Variants in SLAIN1 observed in about 807,000 individuals in gnomAD.
The protein encoded by SLAIN1 is SLAIN family member 1, also known as SLAIN motif-containing protein 1.
In SLAIN1, 17 loss-of-function variants were observed where a neutral mutation model predicts 55.4. The observed-to-expected ratio is 0.31, with a 90% CI of 0.21 to 0.46. The LOEUF is 0.46. Among genes scored for constraint, SLAIN1 ranks in the 20% least tolerant of loss-of-function variants. The pLI, the probability that SLAIN1 is intolerant of heterozygous loss-of-function variation, is 1.00. For missense variants in SLAIN1, 682 were observed against 785.1 expected (o/e 0.87, Z 1.57); for synonymous variants, 348 against 337.4 (o/e 1.03, Z -0.35).
intron 1 of SLAIN1, among the ~76,000 whole-genome samples, chr13:77,711,316 A>G (rs770956787): frequency 3.3e-5 from 5 of 152,168 alleles, no homozygotes; most frequent in Non-Finnish European, 7.4e-5. Flanking sequence ...AACAAAATAG[A>G]TAGACCGCTA....
At chr13:77,714,660 CTT>C (rs1268760790) in intron 1 of SLAIN1, among the ~76,000 whole-genome samples, 1 of 152,106 alleles carries the variant, frequency 6.6e-6, no homozygotes, top group Non-Finnish European at 1.5e-5. Flanking sequence ...TATCTTGTGA[CTT>C]TTTAAAAACT....
chr13:77,756,325 GTC>G (rs1329203571), intron 5 of SLAIN1, among the ~76,000 whole-genome samples: 3 of 151,910 alleles, frequency 2.0e-5, no homozygotes, highest in Non-Finnish European at 4.4e-5. Context: ...ACAATATTAA[GTC>G]TTTGCATCCA....
chr13:77,730,966 A>G (rs868518446), intron 2 of SLAIN1, among the ~76,000 whole-genome samples: 64 of 152,308 alleles, frequency 4.2e-4, no homozygotes, highest in African/African-American at 1.3e-3. Flanking sequence ...TGCTTCTCTG[A>G]AAGTTGGCCA....
In SLAIN1 at chr13:77,697,800, T is replaced by G; in HGVS notation, c.-114T>G. ...CGCCGGCTCGGCCTCAGCCCGCGCG[T>G]GGTCGGCCCCCCAGGCCGGGGCGAC... On this transcript the variant is annotated 5_prime_UTR_variant, in exon 1 of 7. Coordinates refer to ENST00000418532, the MANE Select transcript of SLAIN1 (RefSeq NM_001242868.2). The G allele has an allele frequency of 9.1e-7, 1 of 1,095,308 alleles. No individual in the cohort carries two copies. Among genetic ancestry groups the G allele is most frequent in the Non-Finnish European group, 1.1e-6 (1 of 884,130 alleles). The allele number at this position is 1,095,308 out of a possible 1,614,324, so 67.8% of individuals were successfully genotyped here.
At chr13:77,761,723 G>A (rs891766819) in intron 6 of SLAIN1, among the ~76,000 whole-genome samples, 5 of 152,106 alleles carry the variant, frequency 3.3e-5, no homozygotes, top group African/African-American at 9.7e-5. Context: ...GTATGGTCCA[G>A]GTAGTAATTT....
intron 2 of SLAIN1, among the ~76,000 whole-genome samples, chr13:77,740,539 CT>C (rs1181553784): frequency 1.6e-4 from 19 of 115,250 alleles, no homozygotes; most frequent in South Asian, 5.8e-4. Flanking sequence ...CCCCCCCCCC[CT>C]TTTTTTATAA....
chr13:77,718,713 C>T (rs905870006), intron 1 of SLAIN1, among the ~76,000 whole-genome samples: 1 of 152,092 alleles, frequency 6.6e-6, no homozygotes, highest in African/African-American at 2.4e-5. Context: ...TTAGAGCCAG[C>T]AGTTTTGGGG....
chr13:77,763,502 A>C lies in SLAIN1; in HGVS notation c.*282A>C, dbSNP rs1269220966. On this transcript the variant is annotated 3_prime_UTR_variant, in exon 7 of 7. Transcript: ENST00000418532. ...TCTGTACCTGAATACTTTTTGAGAGAATTAAGATGTATCAATAATGCTTTG... is the reference window on the plus strand; with the variant it reads ...TCTGTACCTGAATACTTTTTGAGAGCATTAAGATGTATCAATAATGCTTTG... 1 of 362,254 alleles carries C rather than the reference A, an allele frequency of 2.8e-6. No individual in the cohort carries two copies. The highest frequency in any genetic ancestry group is 5.0e-6 in the Non-Finnish European group (1 of 199,540). The allele number at this position is 362,254 out of a possible 1,614,324, so 22.4% of individuals were successfully genotyped here. A position where few individuals can be genotyped will look rare whatever the true frequency, so the allele number is the denominator to read the frequency against.
At chr13:77,712,884 A>G (rs1010110712) in intron 1 of SLAIN1, among the ~76,000 whole-genome samples, 19 of 152,282 alleles carry the variant, frequency 1.2e-4, no homozygotes, top group Admixed American at 7.8e-4. Flanking sequence ...GGAACAGAAC[A>G]GAGGCCTCAG....
At chr13:77,705,911 T>C (rs2154409311) in intron 1 of SLAIN1, among the ~76,000 whole-genome samples, 1 of 152,224 alleles carries the variant, frequency 6.6e-6, no homozygotes, top group East Asian at 1.9e-4. Context: ...CTCAAAGCTA[T>C]CCTGCTCACT....
rs534380081 is a variant in SLAIN1 at position 77,752,008 on chromosome 13, A to T, written c.1259-1195A>T. On this transcript the variant is annotated intron_variant, in intron 4 of 6. Coordinates refer to ENST00000418532, the MANE Select transcript of SLAIN1 (RefSeq NM_001242868.2). ...TTATTTCACATGTGTTATTTCACAC[A>T]TCTCAACATTGAGATCTGTATGTGA... Among the ~76,000 whole-genome samples, 17 of 152,168 alleles carry T rather than the reference A, an allele frequency of 1.1e-4. 1 individual carries two copies. The South Asian group carries it at 3.5e-3, about 32-fold the overall frequency.
intron 2 of SLAIN1, chr13:77,744,078 C>G: frequency 1.8e-6 from 1 of 568,954 alleles, no homozygotes; most frequent in South Asian, 2.0e-5. Context: ...TGTGAAAATT[C>G]AATTTGAAAA....
At chr13:77,753,909 C>T (rs1874414404) in intron 5 of SLAIN1, among the ~76,000 whole-genome samples, 1 of 152,156 alleles carries the variant, frequency 6.6e-6, no homozygotes, top group East Asian at 1.9e-4. Context: ...TTAGCTTACC[C>T]CACATTCTGT....
chr13:77,750,990 T>C (rs1874170187), intron 4 of SLAIN1, among the ~76,000 whole-genome samples: 1 of 152,184 alleles, frequency 6.6e-6, no homozygotes, highest in South Asian at 2.1e-4. Context: ...GAGCAAAAAT[T>C]GCTGGACATG....
At chr13:77,721,592 A>C (rs1453674480) in intron 2 of SLAIN1, among the ~76,000 whole-genome samples, 2 of 151,936 alleles carry the variant, frequency 1.3e-5, no homozygotes, top group African/African-American at 4.8e-5. Context: ...GGGTCAACAA[A>C]CTTTTTTTTG....
rs987416547 is a variant in SLAIN1, at chr13:77,735,151, C to T, written c.767-9132C>T. Reference sequence around the variant, plus strand: ...GCTTGCTGCAGGCTTTCATCCTGTACCCATGAAAAGCCTGTTTATTTCTTC... The same window carrying T: ...GCTTGCTGCAGGCTTTCATCCTGTATCCATGAAAAGCCTGTTTATTTCTTC... On this transcript the variant is annotated intron_variant, in intron 2 of 6. Transcript: ENST00000418532. 5.9e-5 allele frequency among the ~76,000 whole-genome samples: 9 copies of T among 152,098 alleles called. No homozygotes were observed. The East Asian group carries it at 9.6e-4, about 16-fold the overall frequency.
intron 1 of SLAIN1, among the ~76,000 whole-genome samples, chr13:77,708,221 A>G (rs2091109651): frequency 6.6e-6 from 1 of 152,218 alleles, no homozygotes. Flanking sequence ...ATAGGCCCTA[A>G]GTAATTGAAG....
At chr13:77,740,682 A>G (rs1873378800) in intron 2 of SLAIN1, among the ~76,000 whole-genome samples, 1 of 151,962 alleles carries the variant, frequency 6.6e-6, no homozygotes, top group Non-Finnish European at 1.5e-5. Flanking sequence ...AGCCTCTTGA[A>G]TCATTTCACA....
In SLAIN1 at chr13:77,746,750, A is replaced by C. The variant is rs1480458262; in HGVS notation, c.1153A>C (p.Arg385=). 1.2e-6 allele frequency: 2 copies of C among 1,613,844 alleles called. No individual in the cohort carries two copies. Among genetic ancestry groups the C allele is most frequent in the South Asian group, 2.2e-5 (2 of 91,084 alleles). The part of the protein sequence containing the change: ...QTFSSIRECR[R]SPSSQYFPSN... ...TTTCTCCAGCATTCGGGAGTGTAGG[A>C]GGAGCCCCAGTTCCCAGTATTTTCC... The change falls in exon 4 of 7, where the codon AGG becomes CGG. Residue 385 remains arginine, a synonymous_variant. Coordinates refer to ENST00000418532, the MANE Select transcript of SLAIN1 (RefSeq NM_001242868.2).
Sources: allele counts gnomAD v4.1 joint callset (sites outside exome capture counted in the v4.1 genomes callset), GRCh38; gene constraint gnomAD v4.1.1; transcripts MANE v1.5; gene names NCBI Gene and HGNC (gene_info 2026-07-23, HGNC 2026-07-21).